PCM1: variants seen among roughly 807,000 people sequenced by gnomAD.
PCM1 encodes the protein pericentriolar material 1 protein.
In PCM1, 157 loss-of-function variants were observed where a neutral mutation model predicts 241.9. The ratio of observed to expected loss-of-function variants is 0.65; its 90% CI spans 0.57 to 0.74. The LOEUF (loss-of-function observed/expected upper bound fraction) is 0.74. Among genes scored for constraint, PCM1 ranks in the 30% least tolerant of loss-of-function variants. The pLI is 0.00. For missense variants in PCM1, 3,478 were observed against 2,360.1 expected, an observed-to-expected ratio of 1.47 and a Z score of -9.81; for synonymous variants, 1,085 against 784.9, an observed-to-expected ratio of 1.38 and a Z score of -6.39.
intron 17 of PCM1, 69 bp downstream of exon 17, chr8:17,963,360 G>C (rs2073406036): frequency 8.7e-7 from 1 of 1,147,910 alleles, no homozygotes; most frequent in African/African-American, 1.6e-5. Context: ...AGGCTAGGCA[G>C]CCACATTTCT....
At chr8:17,959,588 T>A (rs1207690661) in intron 13 of PCM1, among the ~76,000 whole-genome samples, 2 of 30,468 alleles carry the variant, frequency 6.6e-5, no homozygotes, top group Non-Finnish European at 7.7e-5. Context: ...TAGAGAGCAA[T>A]TTTCTATATG....
chr8:17,926,694 A>G (rs3850744), intron 2 of PCM1: 68,533 of 152,018 alleles, frequency 0.45, 17,213 homozygotes, highest in Non-Finnish European at 0.58. Context: ...CATTTTTGCA[A>G]TGACTTAGTT....
At chr8:17,948,294 C>CTTTTTTTTTT (rs550672840) in intron 7 of PCM1, among the ~76,000 whole-genome samples, 2 of 63,950 alleles carry the variant, frequency 3.1e-5, no homozygotes, top group African/African-American at 1.3e-4. Flanking sequence ...CAAATAACCT[C>CTTTTTTTTTT]TTTTTTTTTT....
Position 17,993,575 on chromosome 8 carries a change from C to A in PCM1, c.4783C>A (p.Arg1595=), listed in dbSNP as rs767534553. Residue 1595 remains arginine (R), a synonymous_variant, in exon 29 of 39, where the codon CGG becomes AGG. Coordinates refer to ENST00000325083, the MANE Select transcript of PCM1 (RefSeq NM_006197.4). The part of the protein sequence containing the change: ...CPRIDTQQLD[R]QIKAIMKEVI... ...TAGAATTGATACTCAGCAGCTGGACCGGCAAATTAAAGCAATTATGAAAGA... is the reference window on the plus strand; with the variant it reads ...TAGAATTGATACTCAGCAGCTGGACAGGCAAATTAAAGCAATTATGAAAGA... The A allele has an allele frequency of 1.1e-5, 18 of 1,595,410 alleles. No individual in the cohort carries two copies. The East Asian group carries it at 2.0e-4, about 18-fold the overall frequency.
intron 29 of PCM1, among the ~76,000 whole-genome samples, chr8:17,998,364 A>G (rs537950422): frequency 6.6e-6 from 1 of 152,140 alleles, no homozygotes; most frequent in Non-Finnish European, 1.5e-5. Context: ...CAGGTATTCA[A>G]AGGGACTTGG....
chr8:18,026,582 A>G (rs2094234449), intron 38 of PCM1, among the ~76,000 whole-genome samples: 1 of 151,916 alleles, frequency 6.6e-6, no homozygotes, highest in Non-Finnish European at 1.5e-5. Context: ...TTTATTATTG[A>G]TTTTTAGTTC....
rs999464870 is a variant in PCM1, at chr8:17,932,974, G to A, written c.-22-2615G>A. Among the ~76,000 whole-genome samples, 4 of 152,224 alleles carry A rather than the reference G, an allele frequency of 2.6e-5. No homozygotes were observed. In the East Asian group the frequency reaches 7.7e-4, roughly 29 times the overall value. ...GGTACTGGATATGTACCATCCTTGG[G>A]AGAATTGAGAAAGTAGTGACTCAAA... is the stretch of plus-strand genomic sequence containing the variant. On this transcript the variant is annotated intron_variant, in intron 2 of 38. Coordinates refer to ENST00000325083, the MANE Select transcript of PCM1 (RefSeq NM_006197.4).
At chr8:17,992,607 C>G (rs75559476) in intron 28 of PCM1, among the ~76,000 whole-genome samples, 2 of 135,480 alleles carry the variant, frequency 1.5e-5, no homozygotes, top group African/African-American at 2.6e-5. Context: ...CCTACTACTA[C>G]TACTTTTTTT....
rs1386762337 is a variant in PCM1, at chr8:17,986,201, T to G, written c.4410+114T>G. ...ACCTAATATATTTGATTTTCAGCTT[T>G]TTTTAAAACTTGGGTATAATGTGTT... On this transcript the variant is annotated intron_variant, in intron 26 of 38. Transcript: ENST00000325083. The G allele has an allele frequency of 4.2e-6, 3 of 706,408 alleles. No individual in the cohort carries two copies. In the Admixed American group the frequency reaches 1.0e-4, roughly 24 times the overall value. 43.8% of individuals were successfully genotyped at this position (706,408 alleles called of 1,614,324 possible). A position where few individuals can be genotyped will look rare whatever the true frequency, so the allele number is the denominator to read the frequency against.
In PCM1 at chr8:17,960,091, C is replaced by G; in HGVS notation, c.2118C>G (p.Thr706=). ...ATTTCTACCCAGCAGAAGAAGACACCAAGCAAAATTCAAATAACACTAGAG... is the reference window on the plus strand; with the variant it reads ...ATTTCTACCCAGCAGAAGAAGACACGAAGCAAAATTCAAATAACACTAGAG... ...LDDFYPAEED[T]KQNSNNTRGN... is the part of the protein sequence containing the mutation. The change falls in exon 14 of 39, where the codon ACC becomes ACG. Residue 706 remains threonine, a synonymous_variant. Transcript: ENST00000325083. The G allele has an allele frequency of 5.6e-6, 9 of 1,608,532 alleles. No individual in the cohort carries two copies. Among genetic ancestry groups the G allele is most frequent in the Non-Finnish European group, 6.8e-6 (8 of 1,176,826 alleles).
chr8:18,022,031 C>G (rs1426089111), intron 36 of PCM1, among the ~76,000 whole-genome samples: 1 of 152,170 alleles, frequency 6.6e-6, no homozygotes, highest in Non-Finnish European at 1.5e-5. Context: ...TTGGAAACAA[C>G]AGCAGAGAAA....
intron 30 of PCM1, among the ~76,000 whole-genome samples, chr8:18,008,068 G>C (rs902739120): frequency 1.3e-5 from 2 of 152,208 alleles, no homozygotes; most frequent in Non-Finnish European, 2.9e-5. Flanking sequence ...GGGAAGCACA[G>C]ATTCCAAAGA....
chr8:17,928,616 CTTTTTT>C (rs71215287), intron 2 of PCM1, among the ~76,000 whole-genome samples: 1,770 of 82,526 alleles, frequency 0.021, 21 homozygotes, highest in South Asian at 0.041. Flanking sequence ...GTATCTCCCT[CTTTTTT>C]TTTTTTTTTT....
rs1430670118 is a variant in PCM1, at chr8:18,006,416, A to G, written c.4962+19A>G. 1.3e-6 allele frequency: 2 copies of G among 1,569,396 alleles called. No homozygotes were observed. The highest frequency in any genetic ancestry group is 2.2e-5 in the East Asian group (1 of 44,622). On this transcript the variant is annotated intron_variant, in intron 30 of 38. Coordinates refer to ENST00000325083, the MANE Select transcript of PCM1 (RefSeq NM_006197.4). Reference sequence around the variant, plus strand: ...ATTACAGGTAAGAGTTTATACTTGTATGATTTACCAATATGTACTGTGTGG... The same window carrying G: ...ATTACAGGTAAGAGTTTATACTTGTGTGATTTACCAATATGTACTGTGTGG...
intron 6 of PCM1, among the ~76,000 whole-genome samples, chr8:17,941,383 A>G (rs1032266160): frequency 4.6e-5 from 7 of 152,210 alleles, no homozygotes; most frequent in African/African-American, 1.7e-4. Flanking sequence ...AGTAAATGTT[A>G]AAAATGTGCT....
At chr8:17,923,334 G>A (rs1014279551) in intron 1 of PCM1, 146 bp downstream of exon 1, 1 of 152,426 alleles carries the variant, frequency 6.6e-6, no homozygotes, top group Non-Finnish European at 1.5e-5. Flanking sequence ...TCCTGCCCCG[G>A]GCTTCCCGTG....
At chr8:17,974,076 A>G (rs2077796418) in intron 23 of PCM1, among the ~76,000 whole-genome samples, 1 of 152,228 alleles carries the variant, frequency 6.6e-6, no homozygotes, top group African/African-American at 2.4e-5. Context: ...AAGTTTGAAC[A>G]GGAGTGAAAG....
chr8:17,923,490 C>T (rs753152657), intron 1 of PCM1, among the ~76,000 whole-genome samples: 2 of 152,196 alleles, frequency 1.3e-5, no homozygotes, highest in Non-Finnish European at 2.9e-5. Context: ...GTTCTGCGTC[C>T]CGGTGGCTCC....
intron 21 of PCM1, among the ~76,000 whole-genome samples, chr8:17,968,683 A>C (rs569454542): frequency 1.3e-5 from 2 of 151,672 alleles, no homozygotes; most frequent in East Asian, 3.9e-4. Flanking sequence ...TTACATACAT[A>C]TATTACAGTG....
Sources: gnomAD v4.1 joint callset for allele counts (sites outside exome capture counted in the v4.1 genomes callset) on GRCh38, gnomAD v4.1.1 for gene constraint, MANE v1.5 for transcripts, NCBI Gene and HGNC (gene_info 2026-07-23, HGNC 2026-07-21) for gene names.